Variants in KIAA1217 observed in about 807,000 individuals in gnomAD.
The protein encoded by KIAA1217 is sickle tail protein homolog.
In KIAA1217, 88 loss-of-function variants were observed where a neutral mutation model predicts 163.9. The ratio of observed to expected loss-of-function variants is 0.54; its 90% CI spans 0.45 to 0.64. The LOEUF (loss-of-function observed/expected upper bound fraction) is 0.64, where lower values mean the gene tolerates loss of function less well. KIAA1217 is among the 30% of genes least tolerant of loss of function. KIAA1217 has a pLI of 0.00. For missense variants in KIAA1217, 2,372 were observed against 2,475.0 expected, an observed-to-expected ratio of 0.96 and a Z score of 0.88; for synonymous variants, 903 against 923.1, an observed-to-expected ratio of 0.98 and a Z score of 0.39.
intron 2 of KIAA1217, among the ~76,000 whole-genome samples, chr10:24,015,155 C>A (rs1418395518): frequency 6.6e-6 from 1 of 152,012 alleles, no homozygotes; most frequent in Non-Finnish European, 1.5e-5. Context: ...TTGAGGACAA[C>A]AATAATGCTT....
chr10:23,960,334 C>G (rs1007027848), intron 1 of KIAA1217, among the ~76,000 whole-genome samples: 6 of 151,308 alleles, frequency 4.0e-5, no homozygotes, highest in African/African-American at 1.5e-4. Context: ...TCTCGGCTTA[C>G]CGCAACCTCT....
chr10:24,288,171 CTTGT>C (rs1489286833), intron 2 of KIAA1217, among the ~76,000 whole-genome samples: 3 of 152,092 alleles, frequency 2.0e-5, no homozygotes, highest in African/African-American at 7.2e-5. Flanking sequence ...GCCAAGATGA[CTTGT>C]TTATTTGAAA....
Position 24,209,376 on chromosome 10 carries a change from G to A in KIAA1217, c.70+113G>A, listed in dbSNP as rs538099487. The A allele has an allele frequency of 8.8e-5, 63 of 714,788 alleles. No individual in the cohort carries two copies. The African/African-American group carries it at 9.3e-4, about 11-fold the overall frequency. The allele number at this position is 714,788 out of a possible 1,614,324, so 44.3% of individuals were successfully genotyped here. A position where few individuals can be genotyped will look rare whatever the true frequency, so the allele number is the denominator to read the frequency against. On this transcript the variant is annotated intron_variant, in intron 1 of 20. Coordinates refer to ENST00000376454, the MANE Select transcript of KIAA1217 (RefSeq NM_019590.5). ...CCGGCAAAGGAAAAAAAAAAAAAAGGCAATTTCTTGGGATGGTACATTTTC... is the reference window on the plus strand; with the variant it reads ...CCGGCAAAGGAAAAAAAAAAAAAAGACAATTTCTTGGGATGGTACATTTTC...
intron 1 of KIAA1217, among the ~76,000 whole-genome samples, chr10:23,728,492 G>A (rs747750427): frequency 6.8e-6 from 1 of 146,788 alleles, no homozygotes; most frequent in African/African-American, 2.6e-5. Context: ...CATATCCTTT[G>A]CCCACTTTTT....
At chr10:23,937,252 G>C (rs1242852708) in intron 1 of KIAA1217, among the ~76,000 whole-genome samples, 2 of 152,146 alleles carry the variant, frequency 1.3e-5, no homozygotes, top group African/African-American at 4.8e-5. Flanking sequence ...TTTTAGGAGT[G>C]AGGGAGGAGC....
intron 1 of KIAA1217, among the ~76,000 whole-genome samples, chr10:23,923,133 CA>C (rs1194691258): frequency 1.3e-5 from 2 of 152,150 alleles, no homozygotes; most frequent in African/African-American, 4.8e-5. Context: ...TCCATTGTAT[CA>C]TTCTTATGCC....
intron 1 of KIAA1217, among the ~76,000 whole-genome samples, chr10:23,815,765 G>A (rs1837288556): frequency 6.6e-6 from 1 of 152,106 alleles, no homozygotes; most frequent in Non-Finnish European, 1.5e-5. Flanking sequence ...TGTATAATGA[G>A]TTTGAGTGCA....
chr10:23,791,232 A>G (rs1835936357), intron 1 of KIAA1217, among the ~76,000 whole-genome samples: 1 of 152,228 alleles, frequency 6.6e-6, no homozygotes, highest in Admixed American at 6.5e-5. Context: ...TCTGTTTTAA[A>G]AAACTTTGTA....
chr10:24,519,023 C>T (rs887777138), intron 10 of KIAA1217, among the ~76,000 whole-genome samples: 4 of 152,204 alleles, frequency 2.6e-5, no homozygotes, highest in Non-Finnish European at 5.9e-5. Context: ...GAACCCCTCC[C>T]GCAGCTGCCA....
intron 2 of KIAA1217, among the ~76,000 whole-genome samples, chr10:24,257,220 G>A (rs1018486089): frequency 6.6e-6 from 1 of 152,058 alleles, no homozygotes; most frequent in African/African-American, 2.4e-5. Context: ...GTTTCTACCT[G>A]GTTTTCTAAT....
rs188593602 is a variant in KIAA1217 at position 23,747,411 on chromosome 10, G to A, written c.-321+52177G>A. Among the ~76,000 whole-genome samples the A allele has an allele frequency of 4.4e-3, 675 of 152,178 alleles. 2 individuals carry two copies. Among genetic ancestry groups the A allele is most frequent in the Non-Finnish European group, 4.9e-3 (333 of 68,014 alleles). The stretch of plus-strand genomic sequence containing the variant: ...AGAGGTTTTATGAAGATGATAATGG[G>A]GTGGGTTTCAGGAGAGAGATAAAGA... On this transcript the variant is annotated intron_variant, in intron 1 of 18. Coordinates refer to the KIAA1217 transcript ENST00000376462.
chr10:24,106,498 G>T (rs1372336767), intron 2 of KIAA1217, among the ~76,000 whole-genome samples: 3 of 151,182 alleles, frequency 2.0e-5, no homozygotes, highest in Admixed American at 6.6e-5. Context: ...AGCCTGTAGG[G>T]GACTTGGTCC....
At chr10:23,968,717 C>T (rs1288415581) in intron 1 of KIAA1217, among the ~76,000 whole-genome samples, 1 of 152,194 alleles carries the variant, frequency 6.6e-6, no homozygotes. Context: ...ACAAATAGAA[C>T]TATACAATGG....
chr10:24,423,505 G>T (rs2058928097), intron 3 of KIAA1217, among the ~76,000 whole-genome samples: 1 of 151,940 alleles, frequency 6.6e-6, no homozygotes, highest in South Asian at 2.1e-4. Context: ...TGTCGCCCAG[G>T]CTGAAGTGCA....
chr10:23,923,358 C>T (rs1014767999), intron 1 of KIAA1217, among the ~76,000 whole-genome samples: 3 of 152,130 alleles, frequency 2.0e-5, no homozygotes, highest in Admixed American at 2.0e-4. Context: ...CTCTGTGCTC[C>T]GAATGGTGAG....
At chr10:24,137,707 T>C (rs1290550366) in intron 2 of KIAA1217, among the ~76,000 whole-genome samples, 1 of 152,180 alleles carries the variant, frequency 6.6e-6, no homozygotes, top group African/African-American at 2.4e-5. Context: ...AGACACTGCG[T>C]TTTATTTGGA....
At chr10:24,232,994 G>A (rs1281370634) in intron 2 of KIAA1217, among the ~76,000 whole-genome samples, 1 of 144,932 alleles carries the variant, frequency 6.9e-6, no homozygotes, top group African/African-American at 2.5e-5. Flanking sequence ...GCATAGTGGT[G>A]TACACCTACA....
At chr10:24,192,936 C>T (rs1007165691) in intron 2 of KIAA1217, among the ~76,000 whole-genome samples, 1 of 152,056 alleles carries the variant, frequency 6.6e-6, no homozygotes, top group African/African-American at 2.4e-5. Context: ...TGTGCCACCA[C>T]ACCCAGTTAA....
rs144984305 is a variant in KIAA1217, at chr10:24,260,412, G to T, written c.354+40503G>T. Among the ~76,000 whole-genome samples, 1,084 of 152,110 alleles carry T rather than the reference G, an allele frequency of 7.1e-3. 11 individuals carry two copies. Among genetic ancestry groups the T allele is most frequent in the African/African-American group, 0.025 (1,027 of 41,486 alleles). On this transcript the variant is annotated intron_variant, in intron 2 of 20. Coordinates refer to ENST00000376454, the MANE Select transcript of KIAA1217 (RefSeq NM_019590.5). Reference sequence around the variant, plus strand: ...CAATTGTGCCATAATCGACATTTCAGTTGTATAGTAGTTACACTATGAAAA... The same window carrying T: ...CAATTGTGCCATAATCGACATTTCATTTGTATAGTAGTTACACTATGAAAA...
Sources: allele counts gnomAD v4.1 joint callset (sites outside exome capture counted in the v4.1 genomes callset), GRCh38; gene constraint gnomAD v4.1.1; transcripts MANE v1.5; gene names NCBI Gene and HGNC (gene_info 2026-07-23, HGNC 2026-07-21).